SLC7A11: variants seen among roughly 807,000 people sequenced by gnomAD.
SLC7A11 encodes the protein cystine/glutamate transporter.
In SLC7A11, 35 loss-of-function variants were observed where a neutral mutation model predicts 54.5. The observed-to-expected ratio is 0.64, with a 90% CI of 0.49 to 0.85. The LOEUF is 0.85. Among genes scored for constraint, SLC7A11 ranks in the 40% least tolerant of loss-of-function variants. SLC7A11 has a pLI of 0.00. For synonymous variants in SLC7A11, 230 were observed against 225.2 expected (o/e 1.02, Z -0.19); for missense variants, 583 against 618.1 (o/e 0.94, Z 0.60).
At chr4:138,189,531 A>T (rs1560722195) in intron 6 of SLC7A11, among the ~76,000 whole-genome samples, 1 of 152,088 alleles carries the variant, frequency 6.6e-6, no homozygotes, top group Non-Finnish European at 1.5e-5. Context: ...TGCCTGCTTT[A>T]ACTCTAGGTA....
rs75062397 is a variant in SLC7A11 at position 138,181,501 on chromosome 4, G to A, written c.1117-711C>T. Among the ~76,000 whole-genome samples the A allele has an allele frequency of 1.3e-3, 197 of 152,128 alleles. 3 individuals carry two copies. In the East Asian group the frequency reaches 0.031, roughly 24 times the overall value. On this transcript the variant is annotated intron_variant, in intron 9 of 11. Transcript: ENST00000280612. The stretch of plus-strand genomic sequence containing the variant: ...AATACATTCTGTTCCCACAAGTGAC[G>A]TTAACATCCAGATTCTGCACAGAGA...
intron 6 of SLC7A11, among the ~76,000 whole-genome samples, chr4:138,194,232 G>A (rs1281440858): frequency 2.0e-5 from 3 of 152,122 alleles, no homozygotes; most frequent in Non-Finnish European, 4.4e-5. Flanking sequence ...TTCCTGAAAA[G>A]GTCACAAAGG....
At chr4:138,231,796 CT>C (rs1738086872) in intron 3 of SLC7A11, among the ~76,000 whole-genome samples, 1 of 152,034 alleles carries the variant, frequency 6.6e-6, no homozygotes, top group Non-Finnish European at 1.5e-5. Context: ...AAAGAAAATT[CT>C]TTTCATGACC....
chr4:138,181,819 C>T (rs1258455257), intron 9 of SLC7A11, among the ~76,000 whole-genome samples: 3 of 152,094 alleles, frequency 2.0e-5, no homozygotes, highest in East Asian at 3.9e-4. Flanking sequence ...ATAAAAGACA[C>T]TTGCTCTCAA....
Position 138,171,846 on chromosome 4 carries a change from C to G in SLC7A11, c.*110G>C, listed in dbSNP as rs980994823. ...ATATATGAATAAAAATAACTGACTC[C>G]TTTTGTTTATCACCAAAGTTGTAAT... On this transcript the variant is annotated 3_prime_UTR_variant, in exon 12 of 12. Transcript: ENST00000280612. 1 of 1,384,666 alleles carries G rather than the reference C, an allele frequency of 7.2e-7. No individual in the cohort carries two copies. Among genetic ancestry groups the G allele is most frequent in the Non-Finnish European group, 9.7e-7 (1 of 1,033,572 alleles). 85.8% of individuals were successfully genotyped at this position (1,384,666 alleles called of 1,614,324 possible). A position where few individuals can be genotyped will look rare whatever the true frequency, so the allele number is the denominator to read the frequency against.
At chr4:138,193,169 C>A (rs1308702550) in intron 6 of SLC7A11, among the ~76,000 whole-genome samples, 1 of 152,102 alleles carries the variant, frequency 6.6e-6, no homozygotes, top group Non-Finnish European at 1.5e-5. Flanking sequence ...ACTGCTTCTA[C>A]CACCCAAAAT....
At position 138,171,219 on chromosome 4, in the gene SLC7A11, T is replaced by TG. The variant is rs1350096412; in HGVS notation, c.*736dup. The stretch of plus-strand genomic sequence containing the variant: ...ATACACTTTCCTGATCAAACTGATG[T>TG]GAAAAAAAAAAATGACAGATAACTA... On this transcript the variant is annotated 3_prime_UTR_variant, in exon 12 of 12. Coordinates refer to ENST00000280612, the MANE Select transcript of SLC7A11 (RefSeq NM_014331.4). 2.0e-5 allele frequency: 3 copies of TG among 150,770 alleles called. No homozygotes were observed. Among genetic ancestry groups the TG allele is most frequent in the East Asian group, 3.9e-4 (2 of 5,144 alleles). The allele number at this position is 150,770 out of a possible 1,614,324, so 9.3% of individuals were successfully genotyped here.
chr4:138,180,781 T>C lies in SLC7A11; in HGVS notation c.1126A>G (p.Thr376Ala), dbSNP rs1210519472. Reference sequence around the variant, plus strand: ...TCTCCAGAGAAGAGCATTATCATTGTCAAAGGGTGCTGAGGGGGGAAAGGG... The same window carrying C: ...TCTCCAGAGAAGAGCATTATCATTGCCAAAGGGTGCTGAGGGGGGAAAGGG... ...LPAVIVLHPLTMIMLFSGDLD... is the reference protein window; with the variant it reads ...LPAVIVLHPLAMIMLFSGDLD... The change falls in exon 10 of 12, where the codon ACA becomes GCA. Residue 376 changes from threonine (T) to alanine (A), a missense_variant. Thr to Ala is a moderately conservative substitution (Grantham distance 58). Transcript: ENST00000280612. The C allele has an allele frequency of 6.2e-7, 1 of 1,612,322 alleles. No homozygotes were observed. The highest frequency in any genetic ancestry group is 1.1e-5 in the South Asian group (1 of 90,894).
chr4:138,175,527 G>A (rs1228454111), intron 11 of SLC7A11: 1 of 152,158 alleles, frequency 6.6e-6, no homozygotes, highest in Non-Finnish European at 1.5e-5. Context: ...CGCGTGAGAA[G>A]CTTGTGTTTC....
intron 6 of SLC7A11, among the ~76,000 whole-genome samples, chr4:138,191,068 A>C (rs4863767): frequency 0.37 from 56,054 of 151,992 alleles, 10,816 homozygotes; most frequent in Middle Eastern, 0.52. Flanking sequence ...CAGGGAAGGC[A>C]TAGGTGGTCA....
At position 138,171,699 on chromosome 4, in the gene SLC7A11, C is replaced by A; in HGVS notation, c.*257G>T. ...TAATTGTCTAGTCTTTTCTCCTAAC[C>A]CCAATAGGTAGGTATCAGAGACTCA... On this transcript the variant is annotated 3_prime_UTR_variant, in exon 12 of 12. Transcript: ENST00000280612. 1 of 403,696 alleles carries A rather than the reference C, an allele frequency of 2.5e-6. No homozygotes were observed. The highest frequency in any genetic ancestry group is 4.4e-6 in the Non-Finnish European group (1 of 229,484). 25.0% of individuals were successfully genotyped at this position (403,696 alleles called of 1,614,324 possible).
At chr4:138,241,525 C>T (rs1560744711) in intron 1 of SLC7A11, among the ~76,000 whole-genome samples, 1 of 152,114 alleles carries the variant, frequency 6.6e-6, no homozygotes, top group South Asian at 2.1e-4. Context: ...TTAGCCTTTG[C>T]TCTCATCACC....
chr4:138,227,597 T>G (rs1316014972), intron 3 of SLC7A11, among the ~76,000 whole-genome samples: 1 of 152,222 alleles, frequency 6.6e-6, no homozygotes, highest in Non-Finnish European at 1.5e-5. Flanking sequence ...AGATATTGTT[T>G]AACTTGCGCA....
At chr4:138,203,865 A>T (rs2148429781) in intron 6 of SLC7A11, among the ~76,000 whole-genome samples, 1 of 152,188 alleles carries the variant, frequency 6.6e-6, no homozygotes, top group Non-Finnish European at 1.5e-5. Context: ...ACTGGATAAG[A>T]TGCAAAATTC....
intron 6 of SLC7A11, among the ~76,000 whole-genome samples, chr4:138,204,399 AT>A (rs1737358085): frequency 6.6e-6 from 1 of 152,082 alleles, no homozygotes; most frequent in Non-Finnish European, 1.5e-5. Flanking sequence ...TACTGTTTGT[AT>A]TTTTAATAAT....
Position 138,169,770 on chromosome 4 carries a change from C to T in SLC7A11, c.*2186G>A, listed in dbSNP as rs1054087591. On this transcript the variant is annotated 3_prime_UTR_variant, in exon 12 of 12. Transcript: ENST00000280612. Reference sequence around the variant, plus strand: ...TGAAAGAAATTCTTACCTCCAGCAACATATCATAGGGAGAGATGTGGACAA... The same window carrying T: ...TGAAAGAAATTCTTACCTCCAGCAATATATCATAGGGAGAGATGTGGACAA... 1 of 151,688 alleles carries T rather than the reference C, an allele frequency of 6.6e-6. No homozygotes were observed. Among genetic ancestry groups the T allele is most frequent in the Non-Finnish European group, 1.5e-5 (1 of 67,942 alleles). The allele number at this position is 151,688 out of a possible 1,614,324, so 9.4% of individuals were successfully genotyped here. A position where few individuals can be genotyped will look rare whatever the true frequency, so the allele number is the denominator to read the frequency against.
chr4:138,182,801 G>A (rs1223894690), intron 8 of SLC7A11, among the ~76,000 whole-genome samples: 4 of 151,926 alleles, frequency 2.6e-5, no homozygotes, highest in Non-Finnish European at 5.9e-5. Flanking sequence ...GCTTTTAATC[G>A]TATATTAAAA....
intron 11 of SLC7A11, chr4:138,176,419 G>C (rs1467521812): frequency 2.0e-5 from 3 of 152,032 alleles, no homozygotes; most frequent in Non-Finnish European, 4.4e-5. Context: ...TGGAGGCCTT[G>C]GAAATGTTCA....
intron 1 of SLC7A11, among the ~76,000 whole-genome samples, chr4:138,238,871 G>A (rs1738306902): frequency 6.6e-6 from 1 of 152,182 alleles, no homozygotes; most frequent in South Asian, 2.1e-4. Flanking sequence ...CCAATGTGCT[G>A]AGATTATAGG....
Sources: allele counts gnomAD v4.1 joint callset (sites outside exome capture counted in the v4.1 genomes callset), GRCh38; gene constraint gnomAD v4.1.1; transcripts MANE v1.5; gene names NCBI Gene and HGNC (gene_info 2026-07-23, HGNC 2026-07-21).